The following ZNF346 variants were observed in gnomAD, a reference collection of about 807,000 sequenced individuals.
ZNF346 encodes the protein zinc finger protein 346.
In ZNF346, 23 loss-of-function variants were observed where a neutral mutation model predicts 33.7. The observed-to-expected ratio is 0.68, with a 90% confidence interval of 0.49 to 0.97. The LOEUF is 0.97. Ranked by LOEUF, ZNF346 falls within the 50% of genes least tolerant of loss-of-function variation. The pLI is 0.00. For synonymous variants in ZNF346, 134 were observed against 142.4 expected, an observed-to-expected ratio of 0.94 and a Z score of 0.42; for missense variants, 340 against 371.1, an observed-to-expected ratio of 0.92 and a Z score of 0.69.
chr5:177,063,900 A>C, intron 6 of ZNF346, among the ~76,000 whole-genome samples: 1 of 126,430 alleles, frequency 7.9e-6, no homozygotes. Flanking sequence ...CCTGTCTCAA[A>C]ATTTTAAAAA....
intron 5 of ZNF346, among the ~76,000 whole-genome samples, chr5:177,055,495 CCAG>C (rs1489095861): frequency 1.3e-5 from 2 of 152,136 alleles, no homozygotes; most frequent in East Asian, 3.8e-4. Context: ...ATCCTGGTGT[CCAG>C]TCTAGAAAGA....
chr5:177,059,039 T>C (rs1056425123), intron 5 of ZNF346, among the ~76,000 whole-genome samples: 1 of 152,220 alleles, frequency 6.6e-6, no homozygotes, highest in Non-Finnish European at 1.5e-5. Flanking sequence ...CCGGCCTATT[T>C]AGGTTTGTTA....
At chr5:177,030,372 G>T (rs996097953) in intron 1 of ZNF346, among the ~76,000 whole-genome samples, 3 of 148,502 alleles carry the variant, frequency 2.0e-5, no homozygotes, top group Non-Finnish European at 4.5e-5. Flanking sequence ...TGTAATCCCA[G>T]CACTGGGAGG....
chr5:177,024,924 G>A (rs1485255301), intron 1 of ZNF346, among the ~76,000 whole-genome samples: 1 of 152,166 alleles, frequency 6.6e-6, no homozygotes, highest in Non-Finnish European at 1.5e-5. Context: ...ACAACATTAA[G>A]TTCTACTCAC....
At chr5:177,033,999 A>C (rs1223204752) in intron 1 of ZNF346, among the ~76,000 whole-genome samples, 1 of 152,044 alleles carries the variant, frequency 6.6e-6, no homozygotes, top group African/African-American at 2.4e-5. Context: ...CTCCCACGTC[A>C]GCCACTTGAG....
At position 177,062,105 on chromosome 5, in the gene ZNF346, A is replaced by G. The variant is rs1782620650; in HGVS notation, c.751A>G (p.Ile251Val). ...CKTCKIVLNS[I>V]EQYQAHVSGF... ...AACATGTAAGATAGTGCTGAACTCC[A>G]TAGAACAGTACCAAGCTCATGTCAG... The change falls in exon 6 of 7, where the codon ATA becomes GTA. Residue 251 changes from isoleucine (I) to valine (V), a missense_variant. Transcript: ENST00000358149. 2 of 1,614,076 alleles carry G rather than the reference A, an allele frequency of 1.2e-6. No homozygotes were observed. The highest frequency in any genetic ancestry group is 1.3e-5 in the African/African-American group (1 of 74,950).
intron 1 of ZNF346, 139 bp downstream of exon 1, chr5:177,023,052 A>G: frequency 6.9e-7 from 1 of 1,444,508 alleles, no homozygotes; most frequent in Non-Finnish European, 9.3e-7. Flanking sequence ...TGTGCTCCCC[A>G]TCCGGGCGCG....
rs370436537 is a variant in ZNF346 at position 177,058,471 on chromosome 5, CAATAA to C, written c.704-3566_704-3562del. 1.1e-4 allele frequency among the ~76,000 whole-genome samples: 16 copies of C among 151,860 alleles called. No individual in the cohort carries two copies. In the South Asian group the frequency reaches 1.3e-3, roughly 12 times the overall value. ...GGGCAACAAAAGCGAAACTCCATCT[CAATAA>C]AATAAAATAAAATAAAATAACTAGG... is the stretch of plus-strand genomic sequence containing the variant. On this transcript the variant is annotated intron_variant, in intron 5 of 6. Transcript: ENST00000358149.
intron 8 of ZNF346, chr5:177,079,335 A>G (rs1581994748): frequency 1.3e-5 from 2 of 152,152 alleles, no homozygotes; most frequent in Non-Finnish European, 2.9e-5. Flanking sequence ...TGTTAGGGGA[A>G]GCAAGGGGTT....
chr5:177,081,106 A>G (rs906529964), exon 9 of ZNF346: 2 of 151,282 alleles, frequency 1.3e-5, no homozygotes, highest in Non-Finnish European at 2.9e-5. Flanking sequence ...GTAATGAACA[A>G]TTGTCAATTC....
At chr5:177,053,271 G>A (rs904021346) in intron 5 of ZNF346, among the ~76,000 whole-genome samples, 13 of 143,194 alleles carry the variant, frequency 9.1e-5, no homozygotes, top group Admixed American at 2.2e-4. Context: ...ATCCAAGATC[G>A]CGCCACTGCA....
chr5:177,073,965 G>T (rs1321689574), intron 8 of ZNF346, among the ~76,000 whole-genome samples: 1 of 152,094 alleles, frequency 6.6e-6, no homozygotes, highest in East Asian at 1.9e-4. Flanking sequence ...TCCTGACCCT[G>T]TGAAAGGAAG....
At chr5:177,057,657 G>C (rs1320976844) in intron 5 of ZNF346, among the ~76,000 whole-genome samples, 2 of 151,492 alleles carry the variant, frequency 1.3e-5, no homozygotes, top group Non-Finnish European at 2.9e-5. Context: ...AGAATCGCTT[G>C]AGCCTGGGAG....
intron 5 of ZNF346, chr5:177,053,090 G>A (rs1309824510): frequency 6.6e-6 from 1 of 151,962 alleles, no homozygotes; most frequent in Non-Finnish European, 1.5e-5. Context: ...GGCCAAGGCA[G>A]GTGGATCATA....
chr5:177,049,078 G>C (rs940383354), intron 4 of ZNF346, among the ~76,000 whole-genome samples: 1 of 152,030 alleles, frequency 6.6e-6, no homozygotes, highest in Non-Finnish European at 1.5e-5. Flanking sequence ...AAGCCATTGC[G>C]CCTGGCCTGT....
chr5:177,047,586 A>G lies in ZNF346; in HGVS notation c.517+3053A>G, dbSNP rs184102712. ...AGTGGTGCAACCTTGACTCACTGCA[A>G]CCTCCACCCTCTGGGTTCAAGCAAT... On this transcript the variant is annotated intron_variant, in intron 4 of 6. Coordinates refer to ENST00000358149, the MANE Select transcript of ZNF346 (RefSeq NM_012279.4). Among the ~76,000 whole-genome samples, 406 of 151,292 alleles carry G rather than the reference A, an allele frequency of 2.7e-3. 1 individual carries two copies. Among genetic ancestry groups the G allele is most frequent in the African/African-American group, 9.6e-3 (396 of 41,178 alleles).
downstream of ZNF346, among the ~76,000 whole-genome samples, chr5:177,070,473 G>A (rs757237610): frequency 9.2e-5 from 14 of 151,910 alleles, no homozygotes; most frequent in Non-Finnish European, 1.5e-4. Context: ...GCAGTCTAGC[G>A]TAGTGGCGAA....
chr5:177,041,919 C>G, intron 3 of ZNF346, 49 bp downstream of exon 3: 1 of 1,306,112 alleles, frequency 7.7e-7, no homozygotes, highest in Non-Finnish European at 1.1e-6. Context: ...TGAAGCCAGC[C>G]AGCAGGTTGG....
intron 3 of ZNF346, among the ~76,000 whole-genome samples, chr5:177,043,180 G>A (rs376178584): frequency 1.1e-4 from 16 of 151,878 alleles, no homozygotes; most frequent in African/African-American, 3.1e-4. Context: ...AAAATTTTTC[G>A]TAGAGACAGG....
Sources: allele counts gnomAD v4.1 joint callset (sites outside exome capture counted in the v4.1 genomes callset), GRCh38; gene constraint gnomAD v4.1.1; transcripts MANE v1.5; gene names NCBI Gene and HGNC (gene_info 2026-07-23, HGNC 2026-07-21).